ZDHHC2: variants seen among roughly 807,000 people sequenced by gnomAD.
The protein encoded by ZDHHC2 is zDHHC palmitoyltransferase 2, also known as palmitoyltransferase ZDHHC2.
In ZDHHC2, 51 loss-of-function variants were observed where a neutral mutation model predicts 55.6. That is an observed-to-expected ratio of 0.92 (90% CI 0.73 to 1.16). ZDHHC2 has a LOEUF of 1.16. Ranked by LOEUF, ZDHHC2 falls within the 50% of genes most tolerant of loss-of-function variation. ZDHHC2 has a pLI of 0.00. For synonymous variants in ZDHHC2, 199 were observed against 152.9 expected (o/e 1.30, Z -2.22); for missense variants, 491 against 442.4 (o/e 1.11, Z -0.99).
At position 17,186,412 on chromosome 8, in the gene ZDHHC2, A is replaced by G. The variant is rs1190882620; in HGVS notation, c.239A>G (p.Asn80Ser). ...YWKTIFTLPM[N>S]PSKEFHLSYA... Reference sequence around the variant, plus strand: ...AAAACTATCTTTACATTACCAATGAATCCTTCAAAAGAAGTAAGTTAAAAT... The same window carrying G: ...AAAACTATCTTTACATTACCAATGAGTCCTTCAAAAGAAGTAAGTTAAAAT... Residue 80 changes from asparagine to serine, a missense_variant, in exon 3 of 13, where the codon AAT becomes AGT. Asn to Ser is a conservative substitution (Grantham distance 46, BLOSUM62 1). Transcript: ENST00000262096. 1 of 1,552,296 alleles carries G rather than the reference A, an allele frequency of 6.4e-7. No individual in the cohort carries two copies. The highest frequency in any genetic ancestry group is 8.7e-7 in the Non-Finnish European group (1 of 1,151,640).
At chr8:17,164,804 C>G (rs1013917700) in intron 1 of ZDHHC2, among the ~76,000 whole-genome samples, 2 of 152,082 alleles carry the variant, frequency 1.3e-5, no homozygotes, top group African/African-American at 4.8e-5. Flanking sequence ...TACCTATTTT[C>G]TTATGTACAG....
chr8:17,199,846 G>A (rs1172086195), intron 6 of ZDHHC2, among the ~76,000 whole-genome samples: 1 of 148,078 alleles, frequency 6.8e-6, no homozygotes, highest in Non-Finnish European at 1.5e-5. Context: ...TGCAACCTCT[G>A]CCTCCCGGGT....
chr8:17,204,589 A>G (rs556548743), intron 6 of ZDHHC2, among the ~76,000 whole-genome samples: 5 of 152,292 alleles, frequency 3.3e-5, no homozygotes, highest in East Asian at 3.9e-4. Context: ...CTATAAGCCT[A>G]TGAGTGGGAG....
chr8:17,212,080 G>A (rs1186994023), intron 10 of ZDHHC2, among the ~76,000 whole-genome samples: 2 of 152,090 alleles, frequency 1.3e-5, no homozygotes, highest in African/African-American at 4.8e-5. Flanking sequence ...ACCCAACTGG[G>A]TGATCTTGAA....
chr8:17,214,156 C>A, intron 10 of ZDHHC2, among the ~76,000 whole-genome samples: 1 of 151,962 alleles, frequency 6.6e-6, no homozygotes, highest in East Asian at 1.9e-4. Flanking sequence ...CTAATAGTTT[C>A]TATGCCAATA....
chr8:17,200,491 C>T (rs1170953569), intron 6 of ZDHHC2, among the ~76,000 whole-genome samples: 1 of 152,140 alleles, frequency 6.6e-6, no homozygotes, highest in African/African-American at 2.4e-5. Flanking sequence ...TCATCATAGG[C>T]ATAGTGTTGA....
chr8:17,169,530 C>T (rs924577843), intron 1 of ZDHHC2, among the ~76,000 whole-genome samples: 8 of 152,040 alleles, frequency 5.3e-5, no homozygotes, highest in South Asian at 2.1e-4. Flanking sequence ...GGAAATGGTA[C>T]GCAAACTGAT....
intron 5 of ZDHHC2, among the ~76,000 whole-genome samples, chr8:17,198,057 A>G (rs757571277): frequency 8.5e-5 from 13 of 152,180 alleles, no homozygotes; most frequent in Non-Finnish European, 1.5e-4. Flanking sequence ...TTTTATCCAG[A>G]CTTTCCGTAA....
At chr8:17,213,226 C>T (rs1186178770) in intron 10 of ZDHHC2, among the ~76,000 whole-genome samples, 2 of 151,792 alleles carry the variant, frequency 1.3e-5, no homozygotes, top group East Asian at 3.9e-4. Context: ...TAACTTTCTC[C>T]GCCTCTTCCT....
chr8:17,204,671 G>T (rs1807006308), intron 6 of ZDHHC2, among the ~76,000 whole-genome samples: 1 of 152,100 alleles, frequency 6.6e-6, no homozygotes, highest in South Asian at 2.1e-4. Context: ...GGAGGAGGGT[G>T]GGAGGAGGAA....
At chr8:17,216,851 A>C (rs1412465200) in intron 11 of ZDHHC2, among the ~76,000 whole-genome samples, 1 of 152,166 alleles carries the variant, frequency 6.6e-6, no homozygotes, top group Non-Finnish European at 1.5e-5. Context: ...AGGTTGGTAG[A>C]GGAAGAATTT....
At chr8:17,179,089 C>G (rs1459328868) in intron 1 of ZDHHC2, among the ~76,000 whole-genome samples, 1 of 152,068 alleles carries the variant, frequency 6.6e-6, no homozygotes, top group East Asian at 1.9e-4. Flanking sequence ...TAGCTGGAAC[C>G]ATGGGTGGGC....
intron 1 of ZDHHC2, among the ~76,000 whole-genome samples, chr8:17,184,574 C>T (rs998479304): frequency 2.6e-5 from 4 of 152,212 alleles, no homozygotes; most frequent in African/African-American, 4.8e-5. Flanking sequence ...GGCTGAAGTG[C>T]GCAATGGAGG....
Position 17,224,797 on chromosome 8 carries a change from T to A in ZDHHC2, c.*4576T>A, listed in dbSNP as rs1319375255. Reference sequence around the variant, plus strand: ...CATCTTAAATGAACTAATCAAACACTTATTGTGTGAAAGCTGAATACTTTA... The same window carrying A: ...CATCTTAAATGAACTAATCAAACACATATTGTGTGAAAGCTGAATACTTTA... On this transcript the variant is annotated 3_prime_UTR_variant, in exon 13 of 13. Transcript: ENST00000262096. 6.6e-6 allele frequency: 1 copy of A among 151,852 alleles called. No homozygotes were observed. Among genetic ancestry groups the A allele is most frequent in the East Asian group, 1.9e-4 (1 of 5,174 alleles). 9.4% of individuals were successfully genotyped at this position (151,852 alleles called of 1,614,324 possible). A position where few individuals can be genotyped will look rare whatever the true frequency, so the allele number is the denominator to read the frequency against.
chr8:17,199,762 C>CT (rs36175869), intron 6 of ZDHHC2, among the ~76,000 whole-genome samples: 5,013 of 128,914 alleles, frequency 0.039, 258 homozygotes, highest in African/African-American at 0.12. Context: ...CTTTCTTCTT[C>CT]TTTTTTTTTT....
At chr8:17,173,418 G>A (rs1804964926) in intron 1 of ZDHHC2, among the ~76,000 whole-genome samples, 2 of 152,272 alleles carry the variant, frequency 1.3e-5, no homozygotes, top group Admixed American at 1.3e-4. Context: ...GCTCATGCCT[G>A]TCATCCCAGC....
intron 1 of ZDHHC2, among the ~76,000 whole-genome samples, chr8:17,162,268 A>C (rs1410601136): frequency 1.3e-5 from 2 of 152,248 alleles, no homozygotes. Flanking sequence ...CAAATGCGCA[A>C]TAAATGTTGA....
At chr8:17,210,518 G>T (rs754331209) in intron 10 of ZDHHC2, 38 bp downstream of exon 10, 2 of 1,521,814 alleles carry the variant, frequency 1.3e-6, no homozygotes, top group Non-Finnish European at 8.9e-7. Flanking sequence ...TTTCAAATAA[G>T]ATATTTTACC....
chr8:17,157,000 A>T, intron 1 of ZDHHC2, 147 bp downstream of exon 1: 3 of 743,792 alleles, frequency 4.0e-6, no homozygotes, highest in Non-Finnish European at 5.8e-6. Flanking sequence ...CGCCGCTAAA[A>T]GCAGCCTCGG....
Sources: allele counts gnomAD v4.1 joint callset (sites outside exome capture counted in the v4.1 genomes callset), GRCh38; gene constraint gnomAD v4.1.1; transcripts MANE v1.5; gene names NCBI Gene and HGNC (gene_info 2026-07-23, HGNC 2026-07-21).